Variants in ITPR2 observed in about 807,000 individuals in gnomAD.
ITPR2 encodes the protein inositol 1,4,5-trisphosphate-gated calcium channel ITPR2.
Under a neutral mutation model 317.1 loss-of-function variants are expected in ITPR2, and 207 were observed. The ratio of observed to expected loss-of-function variants is 0.65; its 90% CI spans 0.58 to 0.73. ITPR2 has a LOEUF of 0.73. ITPR2 is among the 30% of genes least tolerant of loss of function. The pLI is 0.00. For missense variants in ITPR2, 2,613 were observed against 3,284.0 expected (o/e 0.80, Z 4.99); for synonymous variants, 1,156 against 1,149.1 (o/e 1.01, Z -0.12).
At chr12:26,812,201 C>T (rs1950763833) in intron 1 of ITPR2, among the ~76,000 whole-genome samples, 1 of 151,024 alleles carries the variant, frequency 6.6e-6, no homozygotes, top group Non-Finnish European at 1.5e-5. Context: ...GAAAAATAAT[C>T]CGTTGGCACT....
intron 2 of ITPR2, among the ~76,000 whole-genome samples, chr12:26,751,800 A>C (rs958409208): frequency 6.6e-6 from 1 of 151,642 alleles, no homozygotes; most frequent in African/African-American, 2.4e-5. Flanking sequence ...TGGGAGGCAG[A>C]GGTTGCAATG....
chr12:26,492,130 A>G (rs1942821791), intron 39 of ITPR2, among the ~76,000 whole-genome samples: 1 of 152,348 alleles, frequency 6.6e-6, no homozygotes, highest in South Asian at 2.1e-4. Context: ...CAAGCTGGAG[A>G]GGGTGGTATC....
chr12:26,547,053 G>A (rs1287154450), intron 37 of ITPR2, among the ~76,000 whole-genome samples: 1 of 152,096 alleles, frequency 6.6e-6, no homozygotes, highest in African/African-American at 2.4e-5. Flanking sequence ...AGACAAATGG[G>A]ACTATCTTAA....
intron 2 of ITPR2, among the ~76,000 whole-genome samples, chr12:26,785,500 T>G (rs1444401103): frequency 1.7e-5 from 1 of 58,600 alleles, no homozygotes; most frequent in Non-Finnish European, 4.1e-5. Context: ...CGGCCGCCCC[T>G]ACTGGGAAGT....
At chr12:26,718,516 T>C (rs1055562396) in intron 5 of ITPR2, among the ~76,000 whole-genome samples, 7 of 149,772 alleles carry the variant, frequency 4.7e-5, no homozygotes, top group Non-Finnish European at 1.0e-4. Context: ...TATATATATA[T>C]AAGGTTTTAA....
chr12:26,469,302 G>C (rs887192992), intron 45 of ITPR2, among the ~76,000 whole-genome samples: 1 of 152,180 alleles, frequency 6.6e-6, no homozygotes, highest in African/African-American at 2.4e-5. Flanking sequence ...AACTGTAGGT[G>C]ATTAGTGTAA....
At chr12:26,827,059 C>T (rs562305527) in intron 1 of ITPR2, among the ~76,000 whole-genome samples, 1 of 152,218 alleles carries the variant, frequency 6.6e-6, no homozygotes, top group African/African-American at 2.4e-5. Context: ...CCCAAGACTC[C>T]CTCCTTCACC....
intron 45 of ITPR2, among the ~76,000 whole-genome samples, chr12:26,474,400 G>T (rs927166482): frequency 5.3e-5 from 8 of 152,196 alleles, no homozygotes; most frequent in African/African-American, 1.9e-4. Context: ...TGCATTCAAA[G>T]ATGCCAATTT....
intron 55 of ITPR2, among the ~76,000 whole-genome samples, chr12:26,379,464 C>T (rs1390874811): frequency 6.6e-6 from 1 of 152,122 alleles, no homozygotes; most frequent in Non-Finnish European, 1.5e-5. Context: ...ATTGAATCCT[C>T]ATAGCAGCTC....
chr12:26,390,251 C>T (rs1226875317), intron 54 of ITPR2, among the ~76,000 whole-genome samples: 2 of 152,150 alleles, frequency 1.3e-5, no homozygotes, highest in African/African-American at 4.8e-5. Context: ...AAGCATAACC[C>T]ACTCCTGGGT....
chr12:26,723,101 A>C (rs1291487324), intron 4 of ITPR2, among the ~76,000 whole-genome samples: 1 of 152,118 alleles, frequency 6.6e-6, no homozygotes, highest in Non-Finnish European at 1.5e-5. Context: ...ATGAGTGTAA[A>C]AGCATCACTT....
intron 36 of ITPR2, among the ~76,000 whole-genome samples, chr12:26,552,919 C>T (rs544874071): frequency 6.6e-6 from 1 of 152,248 alleles, no homozygotes; most frequent in South Asian, 2.1e-4. Context: ...CCACTTGCTA[C>T]AGATTTATAA....
rs967832779 is a variant in ITPR2 at position 26,428,162 on chromosome 12, T to C, written c.6770-74A>G. 6.2e-6 allele frequency: 7 copies of C among 1,124,568 alleles called. No homozygotes were observed. The Admixed American group carries it at 1.7e-4, about 27-fold the overall frequency. The allele number at this position is 1,124,568 out of a possible 1,614,324, so 69.7% of individuals were successfully genotyped here. A position where few individuals can be genotyped will look rare whatever the true frequency, so the allele number is the denominator to read the frequency against. On this transcript the variant is annotated intron_variant, in intron 48 of 56. Coordinates refer to ENST00000381340, the MANE Select transcript of ITPR2 (RefSeq NM_002223.4). ...ATGCTAAAATATTTGCTGCTCTACT[T>C]TATATGGTATCATTAAGTCAAAGCC...
intron 48 of ITPR2, among the ~76,000 whole-genome samples, chr12:26,433,518 T>G (rs1308752334): frequency 1.3e-5 from 2 of 149,678 alleles, no homozygotes; most frequent in African/African-American, 4.9e-5. Context: ...TTCCATCAAG[T>G]GCTTTGTGTT....
At chr12:26,370,953 G>A (rs1939171373) in intron 55 of ITPR2, among the ~76,000 whole-genome samples, 1 of 152,308 alleles carries the variant, frequency 6.6e-6, no homozygotes, top group South Asian at 2.1e-4. Flanking sequence ...GATTACAGGC[G>A]TGAGCCACTG....
Position 26,427,959 on chromosome 12 carries a change from T to C in ITPR2, c.6899A>G (p.Tyr2300Cys), listed in dbSNP as rs1327149251. The C allele has an allele frequency of 6.2e-7, 1 of 1,611,408 alleles. No homozygotes were observed. The highest frequency in any genetic ancestry group is 8.5e-7 in the Non-Finnish European group (1 of 1,178,756). ...TAATGTAGGCCCAAGACCTATTGTA[T>C]ATATTGATCTGAGCATTATTGATAC... ...FLVSIMLRSI[Y>C]TIGLGPTLIL... is the part of the protein sequence containing the mutation. Residue 2300 changes from tyrosine (Y) to cysteine (C), a missense_variant, in exon 49 of 57, where the codon TAT (tyrosine) becomes TGT (cysteine). Coordinates refer to ENST00000381340, the MANE Select transcript of ITPR2 (RefSeq NM_002223.4).
chr12:26,551,614 A>G (rs1279087994), intron 36 of ITPR2, among the ~76,000 whole-genome samples: 1 of 152,328 alleles, frequency 6.6e-6, no homozygotes, highest in East Asian at 1.9e-4. Flanking sequence ...TGTGAACCAG[A>G]CATGAAACCA....
At chr12:26,353,201 T>C (rs1377368476) in intron 55 of ITPR2, among the ~76,000 whole-genome samples, 6 of 152,248 alleles carry the variant, frequency 3.9e-5, no homozygotes, top group South Asian at 2.1e-4. Context: ...TTTAGTTTAC[T>C]GGGCTCATGG....
chr12:26,391,763 C>A (rs1353345276), intron 54 of ITPR2, among the ~76,000 whole-genome samples: 2 of 151,744 alleles, frequency 1.3e-5, no homozygotes, highest in Admixed American at 6.6e-5. Flanking sequence ...TGGGGTTTCA[C>A]CATGTTGGCC....
Sources: gnomAD v4.1 joint callset for allele counts (sites outside exome capture counted in the v4.1 genomes callset) on GRCh38, gnomAD v4.1.1 for gene constraint, MANE v1.5 for transcripts, NCBI Gene and HGNC (gene_info 2026-07-23, HGNC 2026-07-21) for gene names.